URI1: variants seen among roughly 807,000 people sequenced by gnomAD.
URI1 encodes the protein unconventional prefoldin RPB5 interactor 1.
URI1 carries 39 observed loss-of-function variants against 60.2 expected under a neutral mutation model. The ratio of observed to expected loss-of-function variants is 0.65; its 90% CI spans 0.50 to 0.85. The LOEUF is 0.85. URI1 is among the 40% of genes least tolerant of loss of function. The pLI, the probability that URI1 is intolerant of heterozygous loss-of-function variation, is 0.00. For missense variants in URI1, 691 were observed against 665.9 expected, an observed-to-expected ratio of 1.04 and a Z score of -0.42; for synonymous variants, 251 against 236.8, an observed-to-expected ratio of 1.06 and a Z score of -0.55.
intron 1 of URI1, among the ~76,000 whole-genome samples, chr19:29,964,452 G>GTTTTTTTTTTT (rs1380907956): frequency 2.9e-5 from 4 of 137,260 alleles, no homozygotes; most frequent in African/African-American, 1.1e-4. Flanking sequence ...TTTTGTTTTT[G>GTTTTTTTTTTT]TTTTTTGTTT....
In URI1 at chr19:30,009,199, G is replaced by T. The variant is rs1346190598; in HGVS notation, c.881G>T (p.Ser294Ile). ...SQLNCSVNGS[S>I]SYHSDDDDDD... Reference sequence around the variant, plus strand: ...TTGAACTGTTCAGTGAATGGTTCCAGTTCTTACCACAGTGATGATGATGAT... The same window carrying T: ...TTGAACTGTTCAGTGAATGGTTCCATTTCTTACCACAGTGATGATGATGAT... Residue 294 changes from serine (S) to isoleucine (I), a missense_variant, in exon 8 of 11, where the codon AGT becomes ATT. Ser to Ile is a moderately radical substitution (Grantham distance 142). Coordinates refer to ENST00000392271, the MANE Select transcript of URI1 (RefSeq NM_003796.3). 2 of 1,609,452 alleles carry T rather than the reference G, an allele frequency of 1.2e-6. No individual in the cohort carries two copies. Among genetic ancestry groups the T allele is most frequent in the Non-Finnish European group, 1.7e-6 (2 of 1,178,882 alleles).
At chr19:29,941,391 A>C (rs10412075), upstream of URI1, among the ~76,000 whole-genome samples, 141,533 of 152,156 alleles carry the variant, frequency 0.93, 65,984 homozygotes, top group East Asian at 1. Flanking sequence ...ACAGGAGGTT[A>C]GCTAAGACAG....
At chr19:29,966,189 C>T (rs2055389325) in intron 1 of URI1, among the ~76,000 whole-genome samples, 3 of 152,090 alleles carry the variant, frequency 2.0e-5, no homozygotes, top group Admixed American at 2.0e-4. Context: ...GTCTGTCTCC[C>T]AGGCTGGAGT....
Position 29,988,933 on chromosome 19 carries a change from C to T in URI1, c.367+2516C>T, listed in dbSNP as rs548009811. ...TGATAGTGGTATCTTTGCGTCTCTA[C>T]CAGCCCTCAATATTGTCAGTTTAAG... is the stretch of plus-strand genomic sequence containing the variant. On this transcript the variant is annotated intron_variant, in intron 4 of 10. Transcript: ENST00000392271. Among the ~76,000 whole-genome samples the T allele has an allele frequency of 1.1e-3, 164 of 152,202 alleles. 2 individuals carry two copies. The highest frequency in any genetic ancestry group is 3.7e-3 in the African/African-American group (154 of 41,534).
At chr19:29,994,130 C>T (rs951960731) in intron 4 of URI1, among the ~76,000 whole-genome samples, 28 of 151,778 alleles carry the variant, frequency 1.8e-4, no homozygotes, top group African/African-American at 6.8e-4. Context: ...ACTTAAGATA[C>T]AATTGCTGGC....
chr19:29,937,264 C>T (rs572500169), upstream of URI1, among the ~76,000 whole-genome samples: 5 of 152,254 alleles, frequency 3.3e-5, no homozygotes, highest in African/African-American at 1.2e-4. Flanking sequence ...TTGGCCTTCC[C>T]TATTTGTTCA....
chr19:29,933,422 A>C (rs2054939714), intron 1 of URI1, among the ~76,000 whole-genome samples: 2 of 152,172 alleles, frequency 1.3e-5, no homozygotes, highest in African/African-American at 4.8e-5. Context: ...TTATAGTATT[A>C]TCCAATTTAT....
chr19:30,007,705 T>C, intron 7 of URI1, 67 bp downstream of exon 7: 1 of 1,366,460 alleles, frequency 7.3e-7, no homozygotes, highest in Non-Finnish European at 9.8e-7. Flanking sequence ...TTAATCTTTT[T>C]CTTCATTAAT....
intron 1 of URI1, among the ~76,000 whole-genome samples, chr19:29,964,452 G>GTTTTTTTTTTTTTTT (rs1380907956): frequency 2.2e-5 from 3 of 137,260 alleles, no homozygotes; most frequent in South Asian, 2.3e-4. Flanking sequence ...TTTTGTTTTT[G>GTTTTTTTTTTTTTTT]TTTTTTGTTT....
intron 4 of URI1, among the ~76,000 whole-genome samples, chr19:29,998,325 T>C (rs1056387375): frequency 1.3e-5 from 2 of 152,180 alleles, no homozygotes; most frequent in Non-Finnish European, 2.9e-5. Context: ...TGGAGGTTTC[T>C]ATATATGTCT....
At chr19:29,986,821 A>G (rs781374254) in intron 4 of URI1, among the ~76,000 whole-genome samples, 26 of 152,234 alleles carry the variant, frequency 1.7e-4, no homozygotes, top group African/African-American at 2.4e-5. Context: ...ACTAAGAGAA[A>G]TACCTGTTTA....
intron 7 of URI1, among the ~76,000 whole-genome samples, chr19:30,008,273 C>T (rs2055970141): frequency 6.6e-6 from 1 of 152,056 alleles, no homozygotes; most frequent in African/African-American, 2.4e-5. Flanking sequence ...GTACCATATG[C>T]AATAATTAGT....
At chr19:29,961,388 C>A (rs190911536) in intron 1 of URI1, among the ~76,000 whole-genome samples, 1 of 151,864 alleles carries the variant, frequency 6.6e-6, no homozygotes, top group East Asian at 1.9e-4. Flanking sequence ...CTCTAAGTAC[C>A]TTTAAGTGGA....
At chr19:29,991,359 G>A (rs2055744118) in intron 4 of URI1, among the ~76,000 whole-genome samples, 1 of 152,178 alleles carries the variant, frequency 6.6e-6, no homozygotes, top group Admixed American at 6.5e-5. Flanking sequence ...TTCACCTTTT[G>A]TGGAGCTGTT....
At chr19:29,994,279 C>G (rs939898055) in intron 4 of URI1, among the ~76,000 whole-genome samples, 3 of 152,148 alleles carry the variant, frequency 2.0e-5, no homozygotes, top group Non-Finnish European at 4.4e-5. Flanking sequence ...AACTAGCTAA[C>G]TTACTGTCTT....
At chr19:29,949,864 A>G (rs1342010974) in intron 1 of URI1, among the ~76,000 whole-genome samples, 1 of 151,520 alleles carries the variant, frequency 6.6e-6, no homozygotes, top group Admixed American at 6.6e-5. Context: ...GCGGCAGTAC[A>G]GTCCAGCTTC....
rs922261203 is a variant in URI1, at chr19:29,942,526, C to G, written c.-22C>G. 8.8e-6 allele frequency: 12 copies of G among 1,370,462 alleles called. No homozygotes were observed. Among genetic ancestry groups the G allele is most frequent in the Non-Finnish European group, 1.1e-5 (12 of 1,060,992 alleles). 84.9% of individuals were successfully genotyped at this position (1,370,462 alleles called of 1,614,324 possible). A position where few individuals can be genotyped will look rare whatever the true frequency, so the allele number is the denominator to read the frequency against. ...GCGCTGGTTCAGGACTCACACGCCG[C>G]GCTGAGGCCCGCGGGCCCGTCATGG... On this transcript the variant is annotated 5_prime_UTR_variant, in exon 1 of 11. Transcript: ENST00000392271.
intron 2 of URI1, among the ~76,000 whole-genome samples, chr19:29,978,834 A>G (rs1042538065): frequency 7.9e-5 from 12 of 152,154 alleles, no homozygotes; most frequent in Admixed American, 5.9e-4. Flanking sequence ...TCAGTTGATA[A>G]TTTTGAGGTT....
Position 30,012,544 on chromosome 19 carries a change from A to G in URI1, c.1425+13A>G, listed in dbSNP as rs2056036351. On this transcript the variant is annotated intron_variant, in intron 10 of 10. Transcript: ENST00000392271. ...AGTAACACCTGAGGTGTGTGTGTGT[A>G]TCTTTTAATTCTTTATTTCATATAG... 2 of 1,610,700 alleles carry G rather than the reference A, an allele frequency of 1.2e-6. No homozygotes were observed. Among genetic ancestry groups the G allele is most frequent in the Non-Finnish European group, 1.7e-6 (2 of 1,178,126 alleles).
Sources: gnomAD v4.1 joint callset for allele counts (sites outside exome capture counted in the v4.1 genomes callset) on GRCh38, gnomAD v4.1.1 for gene constraint, MANE v1.5 for transcripts, NCBI Gene and HGNC (gene_info 2026-07-23, HGNC 2026-07-21) for gene names.